The following NXPE2 variants were observed in gnomAD, a reference collection of about 807,000 sequenced individuals.
NXPE2 encodes the protein NXPE family member 2.
Under a neutral mutation model 34.4 loss-of-function variants are expected in NXPE2, and 34 were observed. That is an observed-to-expected ratio of 0.99 (90% CI 0.75 to 1.31). The LOEUF is 1.31. Ranked by LOEUF, NXPE2 falls within the 40% of genes most tolerant of loss-of-function variation. NXPE2 has a pLI of 0.00. For missense variants in NXPE2, 649 were observed against 672.5 expected (o/e 0.97, Z 0.39); for synonymous variants, 235 against 231.3 (o/e 1.02, Z -0.15).
At chr11:114,571,571 A>G in the NXPE2 span, 10 of 1,101,082 alleles carry the variant, frequency 9.1e-6, no homozygotes, top group Admixed American at 2.3e-4. Context: ...ATAATTAAAT[A>G]AGCTAATCAT....
At chr11:114,530,903 C>T in the NXPE2 span, 2 of 1,602,916 alleles carry the variant, frequency 1.2e-6, no homozygotes, top group Non-Finnish European at 1.7e-6. Flanking sequence ...TTAGAGCAGA[C>T]CAAAGCTGAA....
At chr11:114,501,047 G>A in the NXPE2 span, among the ~76,000 whole-genome samples, 2 of 152,126 alleles carry the variant, frequency 1.3e-5, no homozygotes, top group Admixed American at 6.5e-5. Flanking sequence ...CATCTTTAAC[G>A]ACAACTCTAA....
the NXPE2 span, among the ~76,000 whole-genome samples, chr11:114,789,518 C>A: frequency 6.6e-6 from 1 of 152,194 alleles, no homozygotes; most frequent in East Asian, 1.9e-4. Context: ...TTGTACCAGG[C>A]ACTTTATAAA....
chr11:114,551,169 C>T, the NXPE2 span: 7 of 1,535,194 alleles, frequency 4.6e-6, no homozygotes, highest in Admixed American at 3.9e-5. Context: ...TCAAGATCAG[C>T]AGCGTTTTTT....
chr11:114,720,322 A>T, the NXPE2 span, among the ~76,000 whole-genome samples: 3 of 152,234 alleles, frequency 2.0e-5, no homozygotes, highest in Non-Finnish European at 4.4e-5. Context: ...ACTACAGGGG[A>T]GAGAGTCTCA....
the NXPE2 span, among the ~76,000 whole-genome samples, chr11:114,493,744 A>G: frequency 6.6e-6 from 1 of 152,152 alleles, no homozygotes; most frequent in Non-Finnish European, 1.5e-5. Flanking sequence ...TAGTTTATAC[A>G]CTACAATTAC....
the NXPE2 span, among the ~76,000 whole-genome samples, chr11:114,643,298 T>A: frequency 2.6e-5 from 4 of 152,170 alleles, 1 homozygote; most frequent in African/African-American, 9.6e-5. Flanking sequence ...TTGTTGCCAC[T>A]GCTTTTGGTG....
the NXPE2 span, among the ~76,000 whole-genome samples, chr11:114,640,748 GTCT>G: frequency 6.6e-6 from 1 of 151,860 alleles, no homozygotes; most frequent in Non-Finnish European, 1.5e-5. Flanking sequence ...GTGTTTGTAT[GTCT>G]TCTTTTGAAA....
chr11:114,747,709 C>A, the NXPE2 span, among the ~76,000 whole-genome samples: 1 of 152,220 alleles, frequency 6.6e-6, no homozygotes, highest in South Asian at 2.1e-4. Flanking sequence ...GCGGAGAAAC[C>A]AATCACCTGC....
chr11:114,758,164 T>A, the NXPE2 span, among the ~76,000 whole-genome samples: 1 of 121,268 alleles, frequency 8.2e-6, no homozygotes. Flanking sequence ...CACTATGACT[T>A]CTTCTCCGTC....
chr11:114,685,775 T>G (rs1008316231), intron 2 of NXPE2, among the ~76,000 whole-genome samples: 1 of 152,278 alleles, frequency 6.6e-6, no homozygotes, highest in South Asian at 2.1e-4. Context: ...TATGCCTAAT[T>G]TTAAGGGTCT....
At chr11:114,634,776 A>G in the NXPE2 span, among the ~76,000 whole-genome samples, 2 of 151,900 alleles carry the variant, frequency 1.3e-5, no homozygotes, top group Non-Finnish European at 2.9e-5. Flanking sequence ...ATAGTTGTAG[A>G]TATGTGGCAT....
chr11:114,633,381 TTATATTA>T, the NXPE2 span, among the ~76,000 whole-genome samples: 19 of 144,210 alleles, frequency 1.3e-4, no homozygotes, highest in Admixed American at 2.9e-4. Context: ...ATATTATGTA[TTATATTA>T]TATATTATAT....
At chr11:114,784,900 G>C in the NXPE2 span, among the ~76,000 whole-genome samples, 1 of 152,126 alleles carries the variant, frequency 6.6e-6, no homozygotes, top group Non-Finnish European at 1.5e-5. Flanking sequence ...TTGTTTTGGG[G>C]GTGGGGAAGA....
chr11:114,732,006 C>T, the NXPE2 span, among the ~76,000 whole-genome samples: 3 of 152,256 alleles, frequency 2.0e-5, no homozygotes, highest in African/African-American at 7.2e-5. Flanking sequence ...CTGTGTTCTT[C>T]TGAAATGCCT....
the NXPE2 span, among the ~76,000 whole-genome samples, chr11:114,799,311 A>AAAAAAAAAAAAAAAAAAAAG: frequency 7.5e-6 from 1 of 133,022 alleles, no homozygotes; most frequent in Non-Finnish European, 1.6e-5. Context: ...AAAAAAAAAA[A>AAAAAAAAAAAAAAAAAAAAG]AAAATTGGTG....
chr11:114,624,002 C>T, the NXPE2 span, among the ~76,000 whole-genome samples: 69 of 151,560 alleles, frequency 4.6e-4, 1 homozygote, highest in African/African-American at 1.5e-3. Context: ...CACTGTTACC[C>T]GGTGGATAAT....
the NXPE2 span, among the ~76,000 whole-genome samples, chr11:114,511,738 C>G: frequency 6.6e-6 from 1 of 152,162 alleles, no homozygotes. Flanking sequence ...TCACGAATGG[C>G]GTGGTGCCCT....
the NXPE2 span, among the ~76,000 whole-genome samples, chr11:114,777,514 G>GA: frequency 6.6e-6 from 1 of 152,210 alleles, no homozygotes; most frequent in South Asian, 2.1e-4. Context: ...TAAGAGTCAT[G>GA]AAGCTGGAGT....
Sources: gnomAD v4.1 joint callset for allele counts (sites outside exome capture counted in the v4.1 genomes callset) on GRCh38, gnomAD v4.1.1 for gene constraint, MANE v1.5 for transcripts, NCBI Gene and HGNC (gene_info 2026-07-23, HGNC 2026-07-21) for gene names.